The following BCL2L14 variants were observed in gnomAD, a reference collection of about 807,000 sequenced individuals.
BCL2L14 encodes BCL2 like 14.
In BCL2L14, 27 loss-of-function variants were observed where a neutral mutation model predicts 35.3. That is an observed-to-expected ratio of 0.76 (90% CI 0.56 to 1.05). The LOEUF (loss-of-function observed/expected upper bound fraction) is 1.05, where lower values mean the gene tolerates loss of function less well. Among genes scored for constraint, BCL2L14 ranks in the 50% least tolerant of loss-of-function variants. The probability of loss-of-function intolerance (pLI) is 0.00; values close to 1 mark genes in which losing one functional copy is unlikely to be tolerated. For synonymous variants in BCL2L14, 139 were observed against 145.9 expected (o/e 0.95, Z 0.34); for missense variants, 377 against 382.6 (o/e 0.99, Z 0.12).
At chr12:12,053,274 A>T (rs2136705640) in intron 2 of BCL2L14, among the ~76,000 whole-genome samples, 1 of 152,332 alleles carries the variant, frequency 6.6e-6, no homozygotes, top group East Asian at 1.9e-4. Flanking sequence ...CCATAGGGCT[A>T]ATCTAATAGC....
At chr12:12,065,090 G>A (rs565594573) in intron 2 of BCL2L14, among the ~76,000 whole-genome samples, 4 of 152,180 alleles carry the variant, frequency 2.6e-5, no homozygotes, top group Non-Finnish European at 4.4e-5. Flanking sequence ...TTAGACTGAC[G>A]AAAGATAGAT....
intron 2 of BCL2L14, among the ~76,000 whole-genome samples, chr12:12,061,419 A>T (rs181912613): frequency 2.0e-5 from 3 of 152,070 alleles, no homozygotes; most frequent in Non-Finnish European, 4.4e-5. Context: ...GCCTGTTGTC[A>T]CTCGCCTGCT....
intron 2 of BCL2L14, 41 bp from the exon 3 acceptor site, chr12:12,087,169 AAGT>A: frequency 6.3e-7 from 1 of 1,595,892 alleles, no homozygotes; most frequent in Non-Finnish European, 8.6e-7. Flanking sequence ...GAGCCAGATG[AAGT>A]TCTGGGAAGG....
At chr12:12,061,139 C>G (rs1274647809) in intron 2 of BCL2L14, among the ~76,000 whole-genome samples, 2 of 127,242 alleles carry the variant, frequency 1.6e-5, no homozygotes, top group Non-Finnish European at 3.3e-5. Context: ...GCCCAGTTCC[C>G]TTATTAGACT....
chr12:12,059,063 G>A (rs535459483), intron 2 of BCL2L14, among the ~76,000 whole-genome samples: 55 of 152,138 alleles, frequency 3.6e-4, no homozygotes, highest in Non-Finnish European at 7.3e-4. Flanking sequence ...TAGAGACAAA[G>A]GAGACACGTT....
chr12:12,085,270 G>A (rs1381308061), intron 2 of BCL2L14, among the ~76,000 whole-genome samples: 2 of 152,092 alleles, frequency 1.3e-5, no homozygotes, highest in Admixed American at 6.5e-5. Flanking sequence ...TGGTAGAACC[G>A]CATGCTGATT....
At chr12:12,084,020 G>T (rs1177701136) in intron 2 of BCL2L14, among the ~76,000 whole-genome samples, 1 of 152,156 alleles carries the variant, frequency 6.6e-6, no homozygotes, top group Non-Finnish European at 1.5e-5. Flanking sequence ...GGTGGCTGTT[G>T]GGGCTTCACC....
At chr12:12,081,155 C>T (rs2136752598) in intron 2 of BCL2L14, among the ~76,000 whole-genome samples, 1 of 152,170 alleles carries the variant, frequency 6.6e-6, no homozygotes, top group South Asian at 2.1e-4. Context: ...CCACTGCACT[C>T]CAGCCTGGGT....
chr12:12,086,473 A>G (rs1949045091), intron 2 of BCL2L14, among the ~76,000 whole-genome samples: 1 of 152,030 alleles, frequency 6.6e-6, no homozygotes, highest in South Asian at 2.1e-4. Context: ...AGGCTACAAC[A>G]CTCACTGGGC....
At chr12:12,078,820 C>T (rs957692277) in intron 1 of BCL2L14, among the ~76,000 whole-genome samples, 1 of 48,440 alleles carries the variant, frequency 2.1e-5, no homozygotes, top group Non-Finnish European at 4.7e-5. Context: ...TTTTTTGAGA[C>T]GGAGTCTCAC....
chr12:12,051,200 G>T (rs930667866), intron 1 of BCL2L14, among the ~76,000 whole-genome samples: 4 of 152,116 alleles, frequency 2.6e-5, no homozygotes, highest in South Asian at 2.1e-4. Context: ...CTGGCTTTTC[G>T]TGAGTTCAGC....
intron 1 of BCL2L14, among the ~76,000 whole-genome samples, chr12:12,079,056 A>G (rs1276726204): frequency 6.6e-6 from 1 of 152,118 alleles, no homozygotes; most frequent in Non-Finnish European, 1.5e-5. Context: ...TGGCCTCCCA[A>G]AGTTTTGGGA....
At chr12:12,055,500 C>T (rs1210381034) in intron 2 of BCL2L14, 4 of 152,180 alleles carry the variant, frequency 2.6e-5, no homozygotes, top group African/African-American at 4.8e-5. Context: ...GTTTTTGAGA[C>T]CCGCCAACTT....
intron 1 of BCL2L14, among the ~76,000 whole-genome samples, chr12:12,076,707 T>C (rs912921694): frequency 3.9e-5 from 6 of 152,166 alleles, no homozygotes; most frequent in East Asian, 3.9e-4. Context: ...GACCCTTGCT[T>C]TCCTGGGGCC....
At chr12:12,056,269 G>A (rs117113238) in intron 2 of BCL2L14, among the ~76,000 whole-genome samples, 9,878 of 152,190 alleles carry the variant, frequency 0.065, 421 homozygotes, top group Non-Finnish European at 0.089. Flanking sequence ...CTTTTAACAA[G>A]GGTCAAGAGT....
At chr12:12,087,155 C>A in intron 2 of BCL2L14, 58 bp from the exon 3 acceptor site, 1 of 1,571,676 alleles carries the variant, frequency 6.4e-7, no homozygotes, top group Non-Finnish European at 8.7e-7. Flanking sequence ...CTTTGCATAC[C>A]AATGAGCCAG....
At chr12:12,087,738 C>T (rs1432651373) in intron 3 of BCL2L14, among the ~76,000 whole-genome samples, 1 of 152,200 alleles carries the variant, frequency 6.6e-6, no homozygotes, top group Non-Finnish European at 1.5e-5. Context: ...GCATCAGGTA[C>T]AGTTGGAGCG....
Position 12,062,661 on chromosome 12 carries a change from G to GTAGA in BCL2L14, c.-272+10815_-272+10818dup, listed in dbSNP as rs1948543096. On this transcript the variant is annotated intron_variant, in intron 2 of 3. Transcript: ENST00000461264. Reference sequence around the variant, plus strand: ...ATAACTAAAATACCTCTTAGTCTAGGTAGACACTTTCACTAGATAGGAAGA... The same window carrying GTAGA: ...ATAACTAAAATACCTCTTAGTCTAGGTAGATAGACACTTTCACTAGATAGGAAGA... Among the ~76,000 whole-genome samples, 3 of 151,964 alleles carry GTAGA rather than the reference G, an allele frequency of 2.0e-5. No homozygotes were observed. The South Asian group carries it at 6.2e-4, about 32-fold the overall frequency.
chr12:12,081,048 A>G (rs748787335), intron 2 of BCL2L14, among the ~76,000 whole-genome samples: 12 of 152,168 alleles, frequency 7.9e-5, no homozygotes, highest in Non-Finnish European at 1.5e-4. Flanking sequence ...TTAGTCAGAC[A>G]TGGTGGTGCA....
Sources: gnomAD v4.1 joint callset for allele counts (sites outside exome capture counted in the v4.1 genomes callset) on GRCh38, gnomAD v4.1.1 for gene constraint, MANE v1.5 for transcripts, NCBI Gene and HGNC (gene_info 2026-07-23, HGNC 2026-07-21) for gene names.